The following NCKAP1 variants were observed in gnomAD, a reference collection of about 807,000 sequenced individuals.
NCKAP1 encodes NCK associated protein 1, also known as nck-associated protein 1.
NCKAP1 carries 21 observed loss-of-function variants against 151.2 expected under a neutral mutation model. The ratio of observed to expected loss-of-function variants is 0.14; its 90% CI spans 0.10 to 0.20. The LOEUF is 0.20. Ranked by LOEUF, NCKAP1 falls within the 10% of genes least tolerant of loss-of-function variation. The probability of loss-of-function intolerance (pLI) is 1.00; values close to 1 mark genes in which losing one functional copy is unlikely to be tolerated. For missense variants in NCKAP1, 933 were observed against 1,352.1 expected, an observed-to-expected ratio of 0.69 and a Z score of 4.86; for synonymous variants, 484 against 451.8, an observed-to-expected ratio of 1.07 and a Z score of -0.90.
chr2:182,988,082 G>A (rs1464833462), intron 9 of NCKAP1, among the ~76,000 whole-genome samples: 1 of 152,178 alleles, frequency 6.6e-6, no homozygotes, highest in African/African-American at 2.4e-5. Context: ...TACTCGGGAA[G>A]AAAAGGGCAG....
At chr2:182,988,702 AT>A (rs1309936231) in intron 9 of NCKAP1, among the ~76,000 whole-genome samples, 1 of 152,202 alleles carries the variant, frequency 6.6e-6, no homozygotes, top group Non-Finnish European at 1.5e-5. Flanking sequence ...ACTTATAAAA[AT>A]TTTAAACCTC....
chr2:183,000,876 T>A (rs1431654634), intron 6 of NCKAP1, among the ~76,000 whole-genome samples: 1 of 152,098 alleles, frequency 6.6e-6, no homozygotes, highest in African/African-American at 2.4e-5. Context: ...GTGGATTGCC[T>A]GAGCTCAGGA....
At chr2:182,985,742 G>T (rs1313101330) in intron 10 of NCKAP1, among the ~76,000 whole-genome samples, 1 of 150,910 alleles carries the variant, frequency 6.6e-6, no homozygotes, top group African/African-American at 2.4e-5. Flanking sequence ...GGTGGAGACT[G>T]CAGTGAGCCG....
intron 20 of NCKAP1, among the ~76,000 whole-genome samples, chr2:182,954,681 G>A (rs1697288071): frequency 6.6e-6 from 1 of 152,172 alleles, no homozygotes. Flanking sequence ...AGCTACTCGG[G>A]AGGCTGAGGC....
At chr2:183,008,839 A>G (rs1410330555) in intron 2 of NCKAP1, among the ~76,000 whole-genome samples, 2 of 152,254 alleles carry the variant, frequency 1.3e-5, no homozygotes, top group Non-Finnish European at 2.9e-5. Flanking sequence ...AAAGGAAAGC[A>G]TAAAAGAAAT....
rs144939357 is a variant in NCKAP1, at chr2:182,976,963, GA to G, written c.1424-13del. ...TTCCCCATCTTCAACTGTAGTAATA[GA>G]AAAAAAAAAAAGATTACAAAGCAAA... On this transcript the variant is annotated splice_polypyrimidine_tract_variant and intron_variant, in intron 14 of 30. Coordinates refer to ENST00000361354, the MANE Select transcript of NCKAP1 (RefSeq NM_013436.5). 196,937 of 1,081,088 alleles carry G rather than the reference GA, an allele frequency of 0.18. 3,813 individuals are homozygous for G. The highest frequency in any genetic ancestry group is 0.19 in the Non-Finnish European group (156,086 of 811,028). 67.0% of individuals were successfully genotyped at this position (1,081,088 alleles called of 1,614,324 possible). A position where few individuals can be genotyped will look rare whatever the true frequency, so the allele number is the denominator to read the frequency against.
chr2:182,926,955 C>T lies in NCKAP1; in HGVS notation c.3181-50G>A, dbSNP rs1575009840. ...GTGAGTTTGTTAATAAAAGGTTCAT[C>T]GGTTACTTATTTTAGGTATGTTTCA... On this transcript the variant is annotated intron_variant, in intron 29 of 30. Coordinates refer to ENST00000361354, the MANE Select transcript of NCKAP1 (RefSeq NM_013436.5). 7 of 1,269,210 alleles carry T rather than the reference C, an allele frequency of 5.5e-6. No homozygotes were observed. In the East Asian group the frequency reaches 7.1e-5, roughly 13 times the overall value. 78.6% of individuals were successfully genotyped at this position (1,269,210 alleles called of 1,614,324 possible).
chr2:182,921,831 AG>A lies in NCKAP1; in HGVS notation c.*3870del, dbSNP rs1267671454. The A allele has an allele frequency of 6.6e-6, 1 of 151,386 alleles. No homozygotes were observed. The highest frequency in any genetic ancestry group is 1.5e-5 in the Non-Finnish European group (1 of 67,752). The allele number at this position is 151,386 out of a possible 1,614,324, so 9.4% of individuals were successfully genotyped here. A position where few individuals can be genotyped will look rare whatever the true frequency, so the allele number is the denominator to read the frequency against. ...ATGAATGAAATTTTAATACACTTAA[AG>A]TTACTTCTCACTCTGAAAATAATAC... On this transcript the variant is annotated 3_prime_UTR_variant, in exon 31 of 31. Coordinates refer to ENST00000361354, the MANE Select transcript of NCKAP1 (RefSeq NM_013436.5).
intron 23 of NCKAP1, among the ~76,000 whole-genome samples, chr2:182,944,296 G>T (rs543273534): frequency 4.6e-4 from 70 of 152,170 alleles, no homozygotes; most frequent in South Asian, 4.6e-3. Context: ...TTAAAAAAAA[G>T]TTTGATATAA....
intron 17 of NCKAP1, among the ~76,000 whole-genome samples, chr2:182,963,145 C>T (rs1019683383): frequency 2.0e-5 from 3 of 151,762 alleles, no homozygotes; most frequent in Non-Finnish European, 2.9e-5. Context: ...TTATATCTAA[C>T]GTATTTTATT....
rs1696489444 is a variant in NCKAP1 at position 182,917,652 on chromosome 2, A to G, written c.*8050T>C. ...TGGCACGAACTTTAATATTAGACCA[A>G]GTGTTGTATGTTCCAGTGTAGGATC... On this transcript the variant is annotated 3_prime_UTR_variant, in exon 31 of 31. Coordinates refer to ENST00000361354, the MANE Select transcript of NCKAP1 (RefSeq NM_013436.5). 6.6e-6 allele frequency: 1 copy of G among 152,194 alleles called. No homozygotes were observed. Among genetic ancestry groups the G allele is most frequent in the African/African-American group, 2.4e-5 (1 of 41,438 alleles). 9.4% of individuals were successfully genotyped at this position (152,194 alleles called of 1,614,324 possible). A position where few individuals can be genotyped will look rare whatever the true frequency, so the allele number is the denominator to read the frequency against.
intron 17 of NCKAP1, among the ~76,000 whole-genome samples, chr2:182,962,689 T>C (rs1452882495): frequency 1.3e-5 from 2 of 152,110 alleles, no homozygotes; most frequent in Non-Finnish European, 2.9e-5. Context: ...TATAAATGTA[T>C]AAATTGTGGC....
intron 14 of NCKAP1, 112 bp from the exon 15 acceptor site, chr2:182,977,063 A>G (rs1697838813): frequency 5.0e-6 from 3 of 598,392 alleles, no homozygotes; most frequent in Non-Finnish European, 8.0e-6. Flanking sequence ...AGTATACCTA[A>G]AACAATTAAA....
intron 6 of NCKAP1, 59 bp downstream of exon 6, chr2:183,001,894 T>C: frequency 3.5e-6 from 5 of 1,412,236 alleles, no homozygotes; most frequent in Non-Finnish European, 5.0e-6. Flanking sequence ...TATCCAACCA[T>C]CCATCCTCAT....
chr2:182,981,329 A>G lies in NCKAP1; in HGVS notation c.1256T>C (p.Val419Ala), dbSNP rs749724549. The stretch of plus-strand genomic sequence containing the variant: ...CTGCATTACAGGTCCGTATTTCCTC[A>G]CATGTGCTCTAAGTTCTTCCATGTA... ...IFYMEELRAHVRKYGPVMQRY... is the reference protein window; with the variant it reads ...IFYMEELRAHARKYGPVMQRY... The change falls in exon 13 of 31, where the codon GTG (valine) becomes GCG (alanine). Residue 419 changes from valine (V) to alanine (A), a missense_variant. Physicochemically the swap from Val to Ala is moderately conservative, Grantham distance 64. This residue lies in a region of NCKAP1 where 607 missense variants were observed against 795.0 expected (regional missense o/e 0.76). Coordinates refer to ENST00000361354, the MANE Select transcript of NCKAP1 (RefSeq NM_013436.5). 6.2e-7 allele frequency: 1 copy of G among 1,613,452 alleles called. No individual in the cohort carries two copies. Among genetic ancestry groups the G allele is most frequent in the African/African-American group, 1.3e-5 (1 of 74,908 alleles).
chr2:182,974,444 C>G (rs1453523551), intron 15 of NCKAP1, among the ~76,000 whole-genome samples: 1 of 151,936 alleles, frequency 6.6e-6, no homozygotes, highest in East Asian at 1.9e-4. Context: ...CTTTCCAGAG[C>G]TAAGCACATA....
intron 2 of NCKAP1, among the ~76,000 whole-genome samples, chr2:183,015,265 C>T (rs980046207): frequency 6.6e-6 from 1 of 152,048 alleles, no homozygotes; most frequent in African/African-American, 2.4e-5. Context: ...AAGAACCACC[C>T]TTGAGAATAT....
At chr2:182,952,529 A>T in intron 22 of NCKAP1, 27 bp from the exon 23 acceptor site, 1 of 1,480,458 alleles carries the variant, frequency 6.8e-7, no homozygotes, top group Non-Finnish European at 9.3e-7. Context: ...TTAATTTTAT[A>T]CTTCCGACAG....
Position 182,923,628 on chromosome 2 carries a change from A to G in NCKAP1, c.*2074T>C, listed in dbSNP as rs964969101. On this transcript the variant is annotated 3_prime_UTR_variant, in exon 31 of 31. Transcript: ENST00000361354. ...AGGTATTAAAAAGAATATTAAAGAC[A>G]TTTTTTCTACTACTGAGTGAAATAA... The G allele has an allele frequency of 2.0e-5, 3 of 152,064 alleles. No homozygotes were observed. The highest frequency in any genetic ancestry group is 4.4e-5 in the Non-Finnish European group (3 of 68,008). 9.4% of individuals were successfully genotyped at this position (152,064 alleles called of 1,614,324 possible).
Sources: gnomAD v4.1 joint callset for allele counts (sites outside exome capture counted in the v4.1 genomes callset) on GRCh38, gnomAD v4.1.1 for gene constraint, gnomAD v4.1.1 regional missense constraint, MANE v1.5 for transcripts, NCBI Gene and HGNC (gene_info 2026-07-23, HGNC 2026-07-21) for gene names.